SLC35B4: variants seen among roughly 807,000 people sequenced by gnomAD.
SLC35B4 encodes the protein solute carrier family 35 member B4.
Under a neutral mutation model 39.5 loss-of-function variants are expected in SLC35B4, and 28 were observed. The ratio of observed to expected loss-of-function variants is 0.71; its 90% CI spans 0.53 to 0.97. The LOEUF (loss-of-function observed/expected upper bound fraction) is 0.97. Among genes scored for constraint, SLC35B4 ranks in the 50% least tolerant of loss-of-function variants. The pLI is 0.00. For synonymous variants in SLC35B4, 145 were observed against 150.4 expected (o/e 0.96, Z 0.26); for missense variants, 334 against 414.3 (o/e 0.81, Z 1.68).
Position 134,291,869 on chromosome 7 carries a change from A to T in SLC35B4, c.*2964T>A, listed in dbSNP as rs1049936367. 1.1e-4 allele frequency: 17 copies of T among 152,246 alleles called. No individual in the cohort carries two copies. The highest frequency in any genetic ancestry group is 4.1e-4 in the African/African-American group (17 of 41,468). The allele number at this position is 152,246 out of a possible 1,614,324, so 9.4% of individuals were successfully genotyped here. ...TATGACAATAGAGTTTTGGCCAAAG[A>T]TATGTAGACATTAAGCTAATACAAT... On this transcript the variant is annotated 3_prime_UTR_variant, in exon 10 of 10. Transcript: ENST00000378509.
chr7:134,292,874 G>A lies in SLC35B4; in HGVS notation c.*1959C>T, dbSNP rs1409861943. On this transcript the variant is annotated 3_prime_UTR_variant, in exon 10 of 10. Transcript: ENST00000378509. ...GGCTCTAGAAAGCTGTCAATGTCCA[G>A]AGCAACACATTATTACTCTGTAAAC... The A allele has an allele frequency of 2.6e-5, 4 of 152,086 alleles. No homozygotes were observed. The highest frequency in any genetic ancestry group is 5.9e-5 in the Non-Finnish European group (4 of 68,006). The allele number at this position is 152,086 out of a possible 1,614,324, so 9.4% of individuals were successfully genotyped here.
chr7:134,318,397 A>T (rs780210167), upstream of SLC35B4, among the ~76,000 whole-genome samples: 67 of 114,566 alleles, frequency 5.8e-4, no homozygotes, highest in Non-Finnish European at 1.0e-3. Flanking sequence ...CAGTGCTGGC[A>T]CATTAAACAA....
upstream of SLC35B4, among the ~76,000 whole-genome samples, chr7:134,317,341 T>C (rs1804012247): frequency 6.6e-6 from 1 of 152,332 alleles, no homozygotes; most frequent in East Asian, 1.9e-4. Flanking sequence ...TCTATTATGC[T>C]GCCAGGATTA....
At chr7:134,300,841 G>C (rs1803564577) in intron 6 of SLC35B4, among the ~76,000 whole-genome samples, 1 of 152,076 alleles carries the variant, frequency 6.6e-6, no homozygotes, top group Admixed American at 6.6e-5. Flanking sequence ...AAAAATAGTT[G>C]TTTTACTGTA....
chr7:134,299,770 G>A (rs980950868), intron 7 of SLC35B4, among the ~76,000 whole-genome samples, 172 bp from the exon 8 acceptor site: 4 of 152,150 alleles, frequency 2.6e-5, no homozygotes, highest in Admixed American at 1.3e-4. Flanking sequence ...ACCTTGTATG[G>A]CAGGATATTA....
chr7:134,307,129 T>C (rs549431141), intron 2 of SLC35B4, among the ~76,000 whole-genome samples: 3 of 152,326 alleles, frequency 2.0e-5, no homozygotes, highest in African/African-American at 4.8e-5. Context: ...ATACACTTGT[T>C]TGTACTGTTA....
intron 1 of SLC35B4, among the ~76,000 whole-genome samples, chr7:134,309,894 T>G (rs1350962215): frequency 6.6e-6 from 1 of 152,204 alleles, no homozygotes; most frequent in Non-Finnish European, 1.5e-5. Context: ...TCTCCTGGAA[T>G]GTTTATATAT....
chr7:134,310,048 C>T (rs982595884), intron 1 of SLC35B4, among the ~76,000 whole-genome samples: 2 of 152,096 alleles, frequency 1.3e-5, no homozygotes, highest in Admixed American at 1.3e-4. Context: ...CTTTTTATAA[C>T]AATAAAGTAC....
intron 1 of SLC35B4, among the ~76,000 whole-genome samples, chr7:134,313,129 T>A (rs1803884207): frequency 6.6e-6 from 1 of 152,238 alleles, no homozygotes; most frequent in Non-Finnish European, 1.5e-5. Flanking sequence ...CCAATGGAAT[T>A]ATTTATTTTA....
chr7:134,304,024 A>T (rs1238468078), intron 4 of SLC35B4, among the ~76,000 whole-genome samples: 3 of 152,128 alleles, frequency 2.0e-5, no homozygotes, highest in Non-Finnish European at 4.4e-5. Context: ...TAATATGTAC[A>T]ACCATTCCTT....
Position 134,316,821 on chromosome 7 carries a change from G to C in SLC35B4, c.-70C>G. Reference sequence around the variant, plus strand: ...GCCTGTACCGCTACCCCAGGAAGCCGGCCTCCTGCCTCTTCGCTGCGCAGC... The same window carrying C: ...GCCTGTACCGCTACCCCAGGAAGCCCGCCTCCTGCCTCTTCGCTGCGCAGC... On this transcript the variant is annotated 5_prime_UTR_variant, in exon 1 of 10. Transcript: ENST00000378509. The C allele has an allele frequency of 1.4e-6, 2 of 1,462,546 alleles. No homozygotes were observed. Among genetic ancestry groups the C allele is most frequent in the East Asian group, 4.9e-5 (2 of 40,480 alleles). The allele number at this position is 1,462,546 out of a possible 1,614,324, so 90.6% of individuals were successfully genotyped here.
chr7:134,304,898 G>GA, intron 3 of SLC35B4, 44 bp from the exon 4 acceptor site: 3 of 1,477,962 alleles, frequency 2.0e-6, no homozygotes, highest in South Asian at 1.2e-5. Flanking sequence ...AGTGCACTAG[G>GA]AAAAAAACAA....
rs144392951 is a variant in SLC35B4, at chr7:134,290,646, T to C, written c.*4187A>G. 1.1e-4 allele frequency: 17 copies of C among 152,324 alleles called. No individual in the cohort carries two copies. The highest frequency in any genetic ancestry group is 4.1e-4 in the African/African-American group (17 of 41,572). The allele number at this position is 152,324 out of a possible 1,614,324, so 9.4% of individuals were successfully genotyped here. A position where few individuals can be genotyped will look rare whatever the true frequency, so the allele number is the denominator to read the frequency against. On this transcript the variant is annotated 3_prime_UTR_variant, in exon 10 of 10. Coordinates refer to ENST00000378509, the MANE Select transcript of SLC35B4 (RefSeq NM_032826.5). ...TGACTGGTTCTTTTACTTACAAATATTGTTTAGACACATTTTCAAATGTCA... is the reference window on the plus strand; with the variant it reads ...TGACTGGTTCTTTTACTTACAAATACTGTTTAGACACATTTTCAAATGTCA...
chr7:134,298,298 A>G (rs951940579), intron 8 of SLC35B4, among the ~76,000 whole-genome samples: 2 of 152,208 alleles, frequency 1.3e-5, no homozygotes, highest in Admixed American at 1.3e-4. Context: ...TCAGAGATAC[A>G]CTGAATCTCT....
chr7:134,299,669 TG>T, intron 7 of SLC35B4, 71 bp from the exon 8 acceptor site: 1 of 1,346,300 alleles, frequency 7.4e-7, no homozygotes, highest in African/African-American at 1.4e-5. Context: ...AGCTTTACAA[TG>T]ATTAAAAGTC....
At position 134,292,307 on chromosome 7, in the gene SLC35B4, CA is replaced by C. The variant is rs1431971370; in HGVS notation, c.*2525del. 1 of 152,504 alleles carries C rather than the reference CA, an allele frequency of 6.6e-6. No homozygotes were observed. The highest frequency in any genetic ancestry group is 1.5e-5 in the Non-Finnish European group (1 of 68,184). 9.4% of individuals were successfully genotyped at this position (152,504 alleles called of 1,614,324 possible). On this transcript the variant is annotated 3_prime_UTR_variant, in exon 10 of 10. Coordinates refer to ENST00000378509, the MANE Select transcript of SLC35B4 (RefSeq NM_032826.5). ...AAAGTATTAACTGGTGTCCATTAGACATATTTCCTTATATTCAGCTACTAGA... is the reference window on the plus strand; with the variant it reads ...AAAGTATTAACTGGTGTCCATTAGACTATTTCCTTATATTCAGCTACTAGA...
chr7:134,316,350 C>CA (rs1803976245), intron 1 of SLC35B4, among the ~76,000 whole-genome samples: 1 of 152,204 alleles, frequency 6.6e-6, no homozygotes. Context: ...TTGGACTGGT[C>CA]ATGTGAAAAA....
intron 6 of SLC35B4, 100 bp downstream of exon 6, chr7:134,301,661 G>T: frequency 9.1e-7 from 1 of 1,095,746 alleles, no homozygotes; most frequent in Non-Finnish European, 1.4e-6. Flanking sequence ...GGCATAATTT[G>T]TTTAGCTGAA....
intron 4 of SLC35B4, among the ~76,000 whole-genome samples, chr7:134,303,958 C>G (rs1279319738): frequency 6.6e-6 from 1 of 152,196 alleles, no homozygotes; most frequent in Non-Finnish European, 1.5e-5. Context: ...AAGAACAGTC[C>G]TGAACCTTTC....
Sources: allele counts gnomAD v4.1 joint callset (sites outside exome capture counted in the v4.1 genomes callset), GRCh38; gene constraint gnomAD v4.1.1; transcripts MANE v1.5; gene names NCBI Gene and HGNC (gene_info 2026-07-23, HGNC 2026-07-21).